DOCK4: variants seen among roughly 807,000 people sequenced by gnomAD.
DOCK4 encodes dedicator of cytokinesis protein 4.
In DOCK4, 97 loss-of-function variants were observed where a neutral mutation model predicts 268.1. That is an observed-to-expected ratio of 0.36 (90% confidence interval 0.31 to 0.43). DOCK4 has a LOEUF of 0.43. Among genes scored for constraint, DOCK4 ranks in the 20% least tolerant of loss-of-function variants. The probability of loss-of-function intolerance (pLI) is 1.00; values close to 1 mark genes in which losing one functional copy is unlikely to be tolerated. For synonymous variants in DOCK4, 954 were observed against 887.2 expected (o/e 1.08, Z -1.34); for missense variants, 2,145 against 2,455.7 (o/e 0.87, Z 2.67).
intron 23 of DOCK4, among the ~76,000 whole-genome samples, chr7:111,848,955 C>T (rs1804326966): frequency 1.3e-5 from 2 of 152,174 alleles, no homozygotes; most frequent in Admixed American, 6.5e-5. Context: ...TCACCTCAGC[C>T]TTTAATTAGC....
At chr7:111,792,570 A>T (rs1799622962) in intron 30 of DOCK4, among the ~76,000 whole-genome samples, 1 of 152,058 alleles carries the variant, frequency 6.6e-6, no homozygotes, top group Admixed American at 6.6e-5. Context: ...TTTAGTAGAG[A>T]CGGGGTTTTA....
At chr7:111,945,646 T>C (rs557736259) in intron 9 of DOCK4, 71 bp downstream of exon 9, 3 of 1,304,926 alleles carry the variant, frequency 2.3e-6, no homozygotes, top group East Asian at 5.1e-5. Context: ...CTCACAGTAA[T>C]TTATTTCTCC....
intron 1 of DOCK4, among the ~76,000 whole-genome samples, chr7:112,009,730 G>A (rs1245080237): frequency 6.6e-6 from 1 of 152,202 alleles, no homozygotes; most frequent in African/African-American, 2.4e-5. Context: ...AAGAGATAAA[G>A]GGGTAGAATT....
chr7:111,915,725 A>G, intron 13 of DOCK4, 54 bp downstream of exon 13: 1 of 1,579,220 alleles, frequency 6.3e-7, no homozygotes, highest in African/African-American at 1.4e-5. Flanking sequence ...TCAAACATCA[A>G]AAACAGATAG....
chr7:112,186,718 A>T (rs1218048277), intron 1 of DOCK4, among the ~76,000 whole-genome samples: 2 of 152,208 alleles, frequency 1.3e-5, no homozygotes, highest in Non-Finnish European at 2.9e-5. Flanking sequence ...TTACTAAGAC[A>T]CCCACAGAGA....
chr7:111,744,250 G>A (rs1260684247), intron 44 of DOCK4, among the ~76,000 whole-genome samples: 4 of 152,314 alleles, frequency 2.6e-5, no homozygotes, highest in Admixed American at 1.3e-4. Flanking sequence ...TGTCTGTTGA[G>A]AGCCACATTT....
intron 1 of DOCK4, among the ~76,000 whole-genome samples, chr7:112,058,634 G>A (rs182387745): frequency 1.1e-3 from 175 of 152,298 alleles, no homozygotes; most frequent in African/African-American, 3.7e-3. Context: ...GGGCTTCAAT[G>A]AAGCAAGAGC....
rs369857575 is a variant in DOCK4 at position 111,808,527 on chromosome 7, G to A, written c.3166+294C>T. 110 of 276,234 alleles carry A rather than the reference G, an allele frequency of 4.0e-4. 1 individual carries two copies. The South Asian group carries it at 0.013, about 32-fold the overall frequency. 17.1% of individuals were successfully genotyped at this position (276,234 alleles called of 1,614,324 possible). ...GTTGTTACAGTTCCAAATTCTGAAAGGTTGCCTCATCGCTGGAAATATGTG... is the reference window on the plus strand; with the variant it reads ...GTTGTTACAGTTCCAAATTCTGAAAAGTTGCCTCATCGCTGGAAATATGTG... On this transcript the variant is annotated intron_variant, in intron 30 of 52. Transcript: ENST00000428084.
chr7:111,970,376 A>C (rs575668484), intron 8 of DOCK4, among the ~76,000 whole-genome samples: 161 of 152,292 alleles, frequency 1.1e-3, no homozygotes, highest in Non-Finnish European at 2.0e-3. Flanking sequence ...AAAAATGTGG[A>C]TATTAGTAGT....
chr7:111,880,828 A>G (rs1807316648), intron 16 of DOCK4, among the ~76,000 whole-genome samples: 1 of 152,210 alleles, frequency 6.6e-6, no homozygotes, highest in Non-Finnish European at 1.5e-5. Context: ...TGAGGAAAAG[A>G]GTCTCTTCAA....
intron 6 of DOCK4, among the ~76,000 whole-genome samples, chr7:111,986,430 A>C (rs1799060247): frequency 6.6e-6 from 1 of 152,032 alleles, no homozygotes; most frequent in South Asian, 2.1e-4. Flanking sequence ...ATTTATTTCT[A>C]TTTGGTTTTG....
At chr7:112,096,093 T>TAATA (rs1211813128) in intron 1 of DOCK4, among the ~76,000 whole-genome samples, 1 of 152,088 alleles carries the variant, frequency 6.6e-6, no homozygotes, top group Non-Finnish European at 1.5e-5. Flanking sequence ...CTTTGTCTCG[T>TAATA]AATAAATAAA....
intron 8 of DOCK4, among the ~76,000 whole-genome samples, chr7:111,963,194 G>A (rs186922973): frequency 5.8e-4 from 89 of 152,214 alleles, no homozygotes; most frequent in African/African-American, 1.9e-3. Flanking sequence ...TTACTGTCTA[G>A]GAGGAGGAGC....
intron 1 of DOCK4, among the ~76,000 whole-genome samples, chr7:112,014,904 C>T (rs1158117163): frequency 2.0e-5 from 3 of 151,342 alleles, no homozygotes; most frequent in Admixed American, 1.3e-4. Flanking sequence ...GATCCTGTCT[C>T]GAAAGGAAGA....
chr7:112,003,702 T>C (rs951749005), intron 2 of DOCK4, among the ~76,000 whole-genome samples: 1 of 152,180 alleles, frequency 6.6e-6, no homozygotes, highest in African/African-American at 2.4e-5. Context: ...CCATGTCTGC[T>C]CTGGGCCTCT....
chr7:111,874,715 T>G (rs1360055522), intron 17 of DOCK4, among the ~76,000 whole-genome samples: 1 of 152,202 alleles, frequency 6.6e-6, no homozygotes, highest in Non-Finnish European at 1.5e-5. Context: ...TATCAAGAGC[T>G]ATAAAATAGG....
At chr7:112,196,995 A>G (rs1820511738) in intron 1 of DOCK4, among the ~76,000 whole-genome samples, 1 of 152,156 alleles carries the variant, frequency 6.6e-6, no homozygotes, top group African/African-American at 2.4e-5. Context: ...ACCACGCCGT[A>G]CCACTGAAAA....
chr7:111,983,845 C>CGT lies in DOCK4; in HGVS notation c.549+460_549+461insAC, dbSNP rs1491201056. Among the ~76,000 whole-genome samples the CGT allele has an allele frequency of 7.1e-5, 7 of 98,070 alleles. No homozygotes were observed. In the South Asian group the frequency reaches 1.5e-3, roughly 21 times the overall value. 64.3% of individuals were successfully genotyped at this position (98,070 alleles called of 152,430 possible). A position where few individuals can be genotyped will look rare whatever the true frequency, so the allele number is the denominator to read the frequency against. ...GTGCTATTATGTATGTACACACACA[C>CGT]GCGCGCGCGCGCGCGCGCACACACA... On this transcript the variant is annotated intron_variant, in intron 7 of 52. Coordinates refer to ENST00000428084, the MANE Select transcript of DOCK4 (RefSeq NM_001363540.2).
At chr7:112,159,651 T>C (rs1291593793) in intron 1 of DOCK4, among the ~76,000 whole-genome samples, 1 of 151,992 alleles carries the variant, frequency 6.6e-6, no homozygotes, top group Non-Finnish European at 1.5e-5. Context: ...ATCTAGCACT[T>C]ATATGACCCT....
Sources: allele counts gnomAD v4.1 joint callset (sites outside exome capture counted in the v4.1 genomes callset), GRCh38; gene constraint gnomAD v4.1.1; transcripts MANE v1.5; gene names NCBI Gene and HGNC (gene_info 2026-07-23, HGNC 2026-07-21).